PCDH15: variants seen among roughly 807,000 people sequenced by gnomAD.
The protein encoded by PCDH15 is protocadherin-15.
A neutral mutation model predicts 178.5 loss-of-function variants in PCDH15; 129 were observed. That is an observed-to-expected ratio of 0.72 (90% CI 0.63 to 0.84). PCDH15 has a LOEUF of 0.84. PCDH15 is among the 40% of genes least tolerant of loss of function. The probability of loss-of-function intolerance (pLI) is 0.00; values close to 1 mark genes in which losing one functional copy is unlikely to be tolerated. For synonymous variants in PCDH15, 800 were observed against 732.0 expected, an observed-to-expected ratio of 1.09 and a Z score of -1.50; for missense variants, 2,230 against 2,099.9, an observed-to-expected ratio of 1.06 and a Z score of -1.21.
upstream of PCDH15, among the ~76,000 whole-genome samples, chr10:55,321,473 G>A (rs1364348265): frequency 6.6e-6 from 1 of 152,098 alleles, no homozygotes; most frequent in Non-Finnish European, 1.5e-5. Flanking sequence ...TCACTAGAGA[G>A]GCCAACATTC....
chr10:54,991,860 C>A (rs116674247), intron 2 of PCDH15, among the ~76,000 whole-genome samples: 1,668 of 152,122 alleles, frequency 0.011, 31 homozygotes, highest in African/African-American at 0.037. Flanking sequence ...CTAAGTAGGG[C>A]ATACTGTTTC....
At chr10:55,084,158 G>C (rs1219438305) in intron 2 of PCDH15, among the ~76,000 whole-genome samples, 4 of 151,798 alleles carry the variant, frequency 2.6e-5, no homozygotes, top group Non-Finnish European at 5.9e-5. Context: ...AATCACATTA[G>C]CTGACTTCAA....
chr10:55,279,725 T>C (rs1249502139), intron 1 of PCDH15, among the ~76,000 whole-genome samples: 2 of 152,146 alleles, frequency 1.3e-5, no homozygotes, highest in Non-Finnish European at 2.9e-5. Context: ...GAAAGAGATA[T>C]CATTTTTCCC....
chr10:55,293,650 C>A (rs1222611641), intron 1 of PCDH15, among the ~76,000 whole-genome samples: 1 of 152,184 alleles, frequency 6.6e-6, no homozygotes, highest in Non-Finnish European at 1.5e-5. Flanking sequence ...CCACAAATCT[C>A]TAGGGCAGAA....
chr10:53,873,326 C>T (rs575259750), intron 26 of PCDH15, among the ~76,000 whole-genome samples: 2 of 152,292 alleles, frequency 1.3e-5, no homozygotes, highest in African/African-American at 4.8e-5. Flanking sequence ...TTACCAAGTC[C>T]ATTTATGTTG....
chr10:55,354,504 T>G (rs1845024511), intron 2 of PCDH15, among the ~76,000 whole-genome samples: 1 of 152,118 alleles, frequency 6.6e-6, no homozygotes, highest in Admixed American at 6.6e-5. Context: ...ATTTTCCTAA[T>G]ATTCATCTTC....
At chr10:55,318,927 T>A (rs977068415) in intron 1 of PCDH15, among the ~76,000 whole-genome samples, 2 of 152,122 alleles carry the variant, frequency 1.3e-5, no homozygotes, top group Admixed American at 1.3e-4. Context: ...GCACATAACA[T>A]AGGTTTTGGA....
At chr10:55,251,592 G>A (rs10763188) in intron 1 of PCDH15, among the ~76,000 whole-genome samples, 2 of 151,794 alleles carry the variant, frequency 1.3e-5, no homozygotes, top group African/African-American at 2.4e-5. Context: ...GAAGGACATC[G>A]CCTATATTTT....
At chr10:54,051,811 G>A (rs1400159234) in intron 18 of PCDH15, among the ~76,000 whole-genome samples, 1 of 152,120 alleles carries the variant, frequency 6.6e-6, no homozygotes, top group Non-Finnish European at 1.5e-5. Context: ...CATAGGCCCA[G>A]AGGACTAGGA....
Position 54,751,069 on chromosome 10 carries a change from T to C in PCDH15, c.-29+49856A>G, listed in dbSNP as rs186680313. Among the ~76,000 whole-genome samples the C allele has an allele frequency of 2.9e-3, 435 of 152,224 alleles. 3 individuals carry two copies. The highest frequency in any genetic ancestry group is 0.01 in the African/African-American group (425 of 41,570). On this transcript the variant is annotated intron_variant, in intron 1 of 37. Coordinates refer to ENST00000644397, the MANE Select transcript of PCDH15 (RefSeq NM_001384140.1). The stretch of plus-strand genomic sequence containing the variant: ...TTTATAACATTTAGCGAGCATATGG[T>C]CTCTATAAAGTAGTAAATTAAGTAC...
intron 5 of PCDH15, among the ~76,000 whole-genome samples, chr10:54,368,188 C>A (rs997639418): frequency 2.0e-5 from 3 of 151,720 alleles, no homozygotes; most frequent in African/African-American, 7.3e-5. Context: ...TTCATGAACA[C>A]AAGAATGTTG....
intron 22 of PCDH15, among the ~76,000 whole-genome samples, chr10:53,960,719 A>C (rs74318245): frequency 1.3e-5 from 2 of 152,198 alleles, no homozygotes; most frequent in Non-Finnish European, 2.9e-5. Context: ...GAGAGCCACA[A>C]TTGACCTTTG....
intron 2 of PCDH15, among the ~76,000 whole-genome samples, chr10:55,159,954 G>A (rs987067140): frequency 3.3e-5 from 5 of 151,602 alleles, no homozygotes; most frequent in African/African-American, 9.7e-5. Context: ...ATGTGCTTCT[G>A]AACTTTCTCA....
rs376861268 is a variant in PCDH15 at position 54,628,925 on chromosome 10, T to C, written c.91+35247A>G. Among the ~76,000 whole-genome samples, 86 of 152,198 alleles carry C rather than the reference T, an allele frequency of 5.7e-4. 2 individuals carry two copies. In the South Asian group the frequency reaches 0.017, roughly 30 times the overall value. ...TATTTGGTACACCAAAAATTTACAC[T>C]AATTAGTGAGCACTTCTCCTACTTT... On this transcript the variant is annotated intron_variant, in intron 2 of 37. Coordinates refer to ENST00000644397, the MANE Select transcript of PCDH15 (RefSeq NM_001384140.1).
chr10:54,218,580 C>A (rs1250766194), intron 9 of PCDH15, among the ~76,000 whole-genome samples: 1 of 152,144 alleles, frequency 6.6e-6, no homozygotes, highest in Non-Finnish European at 1.5e-5. Flanking sequence ...TGTGAAGACA[C>A]AAGAAAGCAG....
chr10:54,982,845 AT>A (rs1839272903), intron 2 of PCDH15, among the ~76,000 whole-genome samples: 1 of 152,160 alleles, frequency 6.6e-6, no homozygotes, highest in African/African-American at 2.4e-5. Context: ...GCAAATATTA[AT>A]AATTATGTAC....
At chr10:54,845,182 G>A (rs771281910) in intron 3 of PCDH15, among the ~76,000 whole-genome samples, 1 of 149,778 alleles carries the variant, frequency 6.7e-6, no homozygotes, top group Admixed American at 6.7e-5. Context: ...TGTTCATTAT[G>A]TTAATTTTAT....
At chr10:53,873,133 C>T (rs2079991024) in intron 26 of PCDH15, among the ~76,000 whole-genome samples, 1 of 152,178 alleles carries the variant, frequency 6.6e-6, no homozygotes, top group Admixed American at 6.5e-5. Flanking sequence ...ACTTCCATAC[C>T]TATTTTTCAC....
chr10:54,847,371 A>G (rs1591738913), intron 3 of PCDH15, among the ~76,000 whole-genome samples: 1 of 151,920 alleles, frequency 6.6e-6, no homozygotes, highest in East Asian at 1.9e-4. Flanking sequence ...TATGTACTTA[A>G]TTGTCTTATA....
Sources: allele counts gnomAD v4.1 joint callset (sites outside exome capture counted in the v4.1 genomes callset), GRCh38; gene constraint gnomAD v4.1.1; transcripts MANE v1.5; gene names NCBI Gene and HGNC (gene_info 2026-07-23, HGNC 2026-07-21).